The following GRIN2B variants were observed in gnomAD, a reference collection of about 807,000 sequenced individuals.
The protein encoded by GRIN2B is glutamate ionotropic receptor NMDA type subunit 2B, also known as glutamate receptor ionotropic, NMDA 2B.
In GRIN2B, 5 loss-of-function variants were observed where a neutral mutation model predicts 114.5. The observed-to-expected ratio is 0.04, with a 90% CI of 0.02 to 0.09. The LOEUF (loss-of-function observed/expected upper bound fraction) is 0.09, where lower values mean the gene tolerates loss of function less well. Ranked by LOEUF, GRIN2B falls within the 10% of genes least tolerant of loss-of-function variation. The pLI, the probability that GRIN2B is intolerant of heterozygous loss-of-function variation, is 1.00. For synonymous variants in GRIN2B, 787 were observed against 745.1 expected, an observed-to-expected ratio of 1.06 and a Z score of -0.92; for missense variants, 1,108 against 1,943.5, an observed-to-expected ratio of 0.57 and a Z score of 8.08.
At chr12:13,901,980 A>C (rs1403338635) in intron 2 of GRIN2B, among the ~76,000 whole-genome samples, 1 of 152,108 alleles carries the variant, frequency 6.6e-6, no homozygotes, top group Non-Finnish European at 1.5e-5. Flanking sequence ...CCAATCTGCC[A>C]TGCCCTTCTA....
intron 3 of GRIN2B, among the ~76,000 whole-genome samples, chr12:13,767,073 C>T (rs1159747937): frequency 1.3e-5 from 2 of 151,844 alleles, no homozygotes; most frequent in African/African-American, 4.8e-5. Flanking sequence ...TGGCTAACAC[C>T]GTGAAACCCC....
At chr12:13,647,274 T>C (rs537005963) in intron 5 of GRIN2B, among the ~76,000 whole-genome samples, 4 of 152,224 alleles carry the variant, frequency 2.6e-5, no homozygotes, top group South Asian at 4.1e-4. Flanking sequence ...CTCTTTTTAA[T>C]AGAAGAGGAA....
chr12:13,823,349 T>C (rs1459082893), intron 3 of GRIN2B, among the ~76,000 whole-genome samples: 1 of 152,100 alleles, frequency 6.6e-6, no homozygotes, highest in African/African-American at 2.4e-5. Flanking sequence ...TTCTCAGCAA[T>C]GCTTCATAGT....
At chr12:13,952,576 CCTCT>C (rs1326956158) in intron 2 of GRIN2B, among the ~76,000 whole-genome samples, 2 of 152,070 alleles carry the variant, frequency 1.3e-5, no homozygotes, top group Non-Finnish European at 2.9e-5. Flanking sequence ...CTGTACTTCC[CCTCT>C]CTATCACTTG....
At chr12:13,731,279 T>C (rs1195076909) in intron 4 of GRIN2B, among the ~76,000 whole-genome samples, 2 of 152,162 alleles carry the variant, frequency 1.3e-5, no homozygotes, top group African/African-American at 2.4e-5. Flanking sequence ...CCACTCCAAC[T>C]TCTCAGTTTC....
At chr12:13,921,061 G>T (rs1247951437) in intron 2 of GRIN2B, among the ~76,000 whole-genome samples, 1 of 152,044 alleles carries the variant, frequency 6.6e-6, no homozygotes, top group Non-Finnish European at 1.5e-5. Flanking sequence ...TTTTTATATT[G>T]AAATAATCAC....
intron 3 of GRIN2B, among the ~76,000 whole-genome samples, chr12:13,772,347 A>C (rs952450429): frequency 6.6e-6 from 1 of 152,110 alleles, no homozygotes; most frequent in Non-Finnish European, 1.5e-5. Flanking sequence ...GTCCACTCTG[A>C]GTTCTTCCCC....
chr12:13,964,559 T>C (rs1275140382), intron 2 of GRIN2B, among the ~76,000 whole-genome samples: 1 of 152,228 alleles, frequency 6.6e-6, no homozygotes, highest in Admixed American at 6.5e-5. Context: ...GGACACATAG[T>C]CCAGAGCAAG....
intron 4 of GRIN2B, among the ~76,000 whole-genome samples, chr12:13,747,232 T>A (rs1863401308): frequency 6.6e-6 from 1 of 152,166 alleles, no homozygotes; most frequent in African/African-American, 2.4e-5. Context: ...GGGGTCTCAG[T>A]GTTAAAAATA....
chr12:13,679,459 G>T (rs954670186), intron 4 of GRIN2B, among the ~76,000 whole-genome samples: 1 of 152,104 alleles, frequency 6.6e-6, no homozygotes, highest in Non-Finnish European at 1.5e-5. Flanking sequence ...CTTAGAAATT[G>T]TTCTCTTTCT....
At chr12:13,781,288 G>A (rs978914780) in intron 3 of GRIN2B, among the ~76,000 whole-genome samples, 25 of 152,192 alleles carry the variant, frequency 1.6e-4, no homozygotes, top group African/African-American at 5.3e-4. Context: ...AATGATATTC[G>A]TCTGGGTTAA....
intron 10 of GRIN2B, among the ~76,000 whole-genome samples, chr12:13,606,764 G>C (rs1949255062): frequency 6.6e-6 from 1 of 152,048 alleles, no homozygotes; most frequent in Non-Finnish European, 1.5e-5. Context: ...TTTTAGTTAG[G>C]GTCGTGATGA....
intron 5 of GRIN2B, among the ~76,000 whole-genome samples, chr12:13,659,123 A>G (rs1187398421): frequency 1.3e-5 from 2 of 152,166 alleles, no homozygotes; most frequent in East Asian, 3.8e-4. Context: ...TTCACACCAG[A>G]ACCACAAATT....
chr12:13,948,944 G>A (rs1279480469), intron 2 of GRIN2B, among the ~76,000 whole-genome samples: 1 of 152,126 alleles, frequency 6.6e-6, no homozygotes, highest in Non-Finnish European at 1.5e-5. Flanking sequence ...CTTTTTCTCT[G>A]AAAGAACTAA....
At chr12:13,908,521 C>T (rs560387355) in intron 2 of GRIN2B, among the ~76,000 whole-genome samples, 2 of 152,266 alleles carry the variant, frequency 1.3e-5, no homozygotes, top group East Asian at 1.9e-4. Context: ...TAGTAACTAG[C>T]AGATGATGGA....
chr12:13,669,600 G>C (rs1950005516), intron 5 of GRIN2B, among the ~76,000 whole-genome samples: 1 of 152,098 alleles, frequency 6.6e-6, no homozygotes, highest in African/African-American at 2.4e-5. Flanking sequence ...CTGGGAGGTG[G>C]AACAAAGTCT....
intron 2 of GRIN2B, among the ~76,000 whole-genome samples, chr12:13,895,678 G>C (rs985435362): frequency 6.6e-6 from 1 of 152,186 alleles, no homozygotes; most frequent in African/African-American, 2.4e-5. Flanking sequence ...CATTAGGCTA[G>C]CTATCCCTGC....
intron 3 of GRIN2B, among the ~76,000 whole-genome samples, chr12:13,835,014 T>C (rs1362326739): frequency 6.6e-6 from 1 of 152,222 alleles, no homozygotes; most frequent in East Asian, 1.9e-4. Context: ...TTGGCCTTCA[T>C]GTGCCAAGGA....
At chr12:13,860,477 C>T (rs1448847833) in intron 3 of GRIN2B, among the ~76,000 whole-genome samples, 1 of 152,088 alleles carries the variant, frequency 6.6e-6, no homozygotes, top group African/African-American at 2.4e-5. Context: ...TACAGGTGTG[C>T]GTCACCACGC....
Sources: allele counts gnomAD v4.1 joint callset (sites outside exome capture counted in the v4.1 genomes callset), GRCh38; gene constraint gnomAD v4.1.1; transcripts MANE v1.5; gene names NCBI Gene and HGNC (gene_info 2026-07-23, HGNC 2026-07-21).